ZBTB20: variants seen among roughly 807,000 people sequenced by gnomAD.
The protein encoded by ZBTB20 is zinc finger and BTB domain-containing protein 20.
In ZBTB20, 9 loss-of-function variants were observed where a neutral mutation model predicts 56.9. That is an observed-to-expected ratio of 0.16 (90% CI 0.10 to 0.28). The LOEUF (loss-of-function observed/expected upper bound fraction) is 0.28, where lower values mean the gene tolerates loss of function less well. ZBTB20 is among the 10% of genes least tolerant of loss of function. The pLI, the probability that ZBTB20 is intolerant of heterozygous loss-of-function variation, is 1.00. For synonymous variants in ZBTB20, 417 were observed against 420.7 expected, an observed-to-expected ratio of 0.99 and a Z score of 0.11; for missense variants, 655 against 1,003.0, an observed-to-expected ratio of 0.65 and a Z score of 4.69.
chr3:115,136,828 C>T (rs575174988), intron 1 of ZBTB20, among the ~76,000 whole-genome samples: 6 of 152,166 alleles, frequency 3.9e-5, no homozygotes, highest in African/African-American at 1.4e-4. Context: ...TATTGCCTTG[C>T]TCTCAATCCC....
intron 10 of ZBTB20, among the ~76,000 whole-genome samples, chr3:114,371,916 A>C: frequency 6.6e-6 from 1 of 151,480 alleles, no homozygotes; most frequent in Non-Finnish European, 1.5e-5. Flanking sequence ...AGAAAAGCAA[A>C]AAAGAAAGCA....
In ZBTB20 at chr3:114,424,949, G is replaced by A. The variant is rs141500449; in HGVS notation, c.-254-35844C>T. On this transcript the variant is annotated intron_variant, in intron 7 of 11. Coordinates refer to ENST00000675478, the MANE Select transcript of ZBTB20 (RefSeq NM_001348800.3). ...TTCTTTCTTTTTTTAAATCAATTAA[G>A]TCTAGGTTCAATTTTAATTATTTTA... Among the ~76,000 whole-genome samples, 563 of 152,084 alleles carry A rather than the reference G, an allele frequency of 3.7e-3. 3 individuals carry two copies. Among genetic ancestry groups the A allele is most frequent in the African/African-American group, 0.013 (521 of 41,492 alleles).
At chr3:114,935,292 T>A (rs1450642841) in intron 3 of ZBTB20, among the ~76,000 whole-genome samples, 1 of 152,174 alleles carries the variant, frequency 6.6e-6, no homozygotes, top group Admixed American at 6.5e-5. Context: ...TCAGAGTAAT[T>A]CCTACCTTCT....
chr3:114,781,122 A>G (rs916266407), intron 5 of ZBTB20, among the ~76,000 whole-genome samples: 12 of 152,214 alleles, frequency 7.9e-5, no homozygotes, highest in African/African-American at 2.9e-4. Flanking sequence ...ATGTATTCAC[A>G]AAAGTTAAAA....
At chr3:114,520,206 G>C (rs994161858) in intron 6 of ZBTB20, 16 of 152,048 alleles carry the variant, frequency 1.1e-4, no homozygotes, top group South Asian at 4.2e-4. Context: ...CTGTTTAACA[G>C]GAGTCTCTTT....
At chr3:114,764,913 C>G (rs2068681393) in intron 5 of ZBTB20, among the ~76,000 whole-genome samples, 2 of 152,094 alleles carry the variant, frequency 1.3e-5, no homozygotes, top group African/African-American at 4.8e-5. Context: ...CATTACTTAC[C>G]AAGGAGACTT....
At chr3:114,667,223 G>C (rs993415989) in intron 6 of ZBTB20, among the ~76,000 whole-genome samples, 1 of 151,692 alleles carries the variant, frequency 6.6e-6, no homozygotes, top group African/African-American at 2.4e-5. Flanking sequence ...GGCATAAATG[G>C]GATAAAACAC....
chr3:114,941,192 T>C (rs1422525614), intron 3 of ZBTB20, among the ~76,000 whole-genome samples: 1 of 146,204 alleles, frequency 6.8e-6, no homozygotes, highest in Non-Finnish European at 1.5e-5. Context: ...ATGATGGGGA[T>C]AACAATAATA....
rs1479183764 is a variant in ZBTB20, at chr3:114,321,252, GA to G, written c.*17752del. The G allele has an allele frequency of 2.0e-5, 3 of 152,242 alleles. No homozygotes were observed. The highest frequency in any genetic ancestry group is 2.0e-4 in the Admixed American group (3 of 15,280). 9.4% of individuals were successfully genotyped at this position (152,242 alleles called of 1,614,324 possible). The stretch of plus-strand genomic sequence containing the variant: ...TAGAGAGGACATGGTGGTGAGATGG[GA>G]AAGAAAAGAGAAGAGAAACAGGCAG... On this transcript the variant is annotated 3_prime_UTR_variant, in exon 12 of 12. Coordinates refer to ENST00000675478, the MANE Select transcript of ZBTB20 (RefSeq NM_001348800.3).
At position 114,948,906 on chromosome 3, in the gene ZBTB20, T is replaced by A. The variant is rs1348247398; in HGVS notation, c.-456+25460A>T. Among the ~76,000 whole-genome samples, 5 of 146,070 alleles carry A rather than the reference T, an allele frequency of 3.4e-5. No individual in the cohort carries two copies. The South Asian group carries it at 8.6e-4, about 25-fold the overall frequency. On this transcript the variant is annotated intron_variant, in intron 3 of 11. Coordinates refer to ENST00000675478, the MANE Select transcript of ZBTB20 (RefSeq NM_001348800.3). ...CATCTCAATCAAAATCCCAGCAAATTACATATTGTAGAGATTAACAAGCAG... is the reference window on the plus strand; with the variant it reads ...CATCTCAATCAAAATCCCAGCAAATAACATATTGTAGAGATTAACAAGCAG...
chr3:115,050,406 C>T (rs1364702483), intron 2 of ZBTB20, among the ~76,000 whole-genome samples: 1 of 151,524 alleles, frequency 6.6e-6, no homozygotes, highest in Non-Finnish European at 1.5e-5. Flanking sequence ...AATTCATTAG[C>T]TTAGAGTTAT....
At chr3:114,697,822 T>C (rs561501969) in intron 5 of ZBTB20, among the ~76,000 whole-genome samples, 1 of 152,162 alleles carries the variant, frequency 6.6e-6, no homozygotes, top group East Asian at 1.9e-4. Flanking sequence ...AAAGAGCTTA[T>C]TCAGAGAAAC....
chr3:115,087,342 T>C (rs1472281353), intron 1 of ZBTB20, among the ~76,000 whole-genome samples: 1 of 151,874 alleles, frequency 6.6e-6, no homozygotes, highest in African/African-American at 2.4e-5. Flanking sequence ...CTTTTTCCAG[T>C]TATATCTTCA....
chr3:115,103,497 T>C (rs567626358), intron 1 of ZBTB20, among the ~76,000 whole-genome samples: 5 of 152,230 alleles, frequency 3.3e-5, no homozygotes, highest in East Asian at 3.9e-4. Flanking sequence ...TGGCAAAGAA[T>C]AGACACAGCA....
chr3:115,001,557 GTC>G (rs1345185728), intron 2 of ZBTB20, among the ~76,000 whole-genome samples: 1 of 150,652 alleles, frequency 6.6e-6, no homozygotes, highest in Non-Finnish European at 1.5e-5. Context: ...GAAATTGAGA[GTC>G]AGGCATTAAA....
intron 6 of ZBTB20, among the ~76,000 whole-genome samples, chr3:114,692,196 A>G (rs562900909): frequency 6.6e-6 from 1 of 152,266 alleles, no homozygotes; most frequent in South Asian, 2.1e-4. Context: ...GTGACAAATT[A>G]AAGTCACCAA....
At chr3:114,493,121 C>A (rs956610104) in intron 7 of ZBTB20, among the ~76,000 whole-genome samples, 1 of 152,122 alleles carries the variant, frequency 6.6e-6, no homozygotes, top group African/African-American at 2.4e-5. Flanking sequence ...AGATAAGAAT[C>A]GTAACAGTAC....
chr3:114,446,714 C>T (rs1009461100), intron 7 of ZBTB20, among the ~76,000 whole-genome samples: 1 of 152,146 alleles, frequency 6.6e-6, no homozygotes, highest in Non-Finnish European at 1.5e-5. Context: ...CAGGTTGGCA[C>T]TGTTTCAGTG....
intron 4 of ZBTB20, among the ~76,000 whole-genome samples, chr3:114,894,328 T>C (rs996257115): frequency 3.3e-5 from 5 of 152,198 alleles, no homozygotes; most frequent in Non-Finnish European, 7.3e-5. Flanking sequence ...TATACATACA[T>C]GCATATATAT....
Sources: gnomAD v4.1 joint callset for allele counts (sites outside exome capture counted in the v4.1 genomes callset) on GRCh38, gnomAD v4.1.1 for gene constraint, MANE v1.5 for transcripts, NCBI Gene and HGNC (gene_info 2026-07-23, HGNC 2026-07-21) for gene names.